Variants in FRMD4B observed in about 807,000 individuals in gnomAD.
The protein encoded by FRMD4B is FERM domain containing 4B, also known as FERM domain-containing protein 4B.
A neutral mutation model predicts 141.5 loss-of-function variants in FRMD4B; 74 were observed. The observed-to-expected ratio is 0.52, with a 90% CI of 0.43 to 0.63. The LOEUF (loss-of-function observed/expected upper bound fraction) is 0.63, where lower values mean the gene tolerates loss of function less well. Among genes scored for constraint, FRMD4B ranks in the 30% least tolerant of loss-of-function variants. The pLI is 0.00. For missense variants in FRMD4B, 1,366 were observed against 1,253.4 expected (o/e 1.09, Z -1.36); for synonymous variants, 506 against 467.9 (o/e 1.08, Z -1.05).
intron 21 of FRMD4B, among the ~76,000 whole-genome samples, chr3:69,179,825 C>T (rs754568063): frequency 9.9e-5 from 15 of 152,126 alleles, no homozygotes; most frequent in Non-Finnish European, 1.5e-4. Flanking sequence ...CTGAGCTCAT[C>T]GTGGCCAGGA....
chr3:69,531,206 T>TC (rs1158134003), intron 1 of FRMD4B, among the ~76,000 whole-genome samples: 2 of 152,174 alleles, frequency 1.3e-5, no homozygotes, highest in Non-Finnish European at 1.5e-5. Context: ...TGCTAATGAC[T>TC]CAGAGGAGCT....
At chr3:69,201,309 T>C (rs2092964979) in intron 11 of FRMD4B, among the ~76,000 whole-genome samples, 1 of 152,208 alleles carries the variant, frequency 6.6e-6, no homozygotes, top group Non-Finnish European at 1.5e-5. Flanking sequence ...AACTTGAATA[T>C]CATTAGTAAT....
At position 69,319,112 on chromosome 3, in the gene FRMD4B, C is replaced by T. The variant is rs1575726987; in HGVS notation, c.163-5595G>A. 1.3e-5 allele frequency among the ~76,000 whole-genome samples: 2 copies of T among 152,178 alleles called. 1 individual carries two copies. Among genetic ancestry groups the T allele is most frequent in the African/African-American group, 4.8e-5 (2 of 41,436 alleles). ...ATAGAATTTCAACCTCTACACAAAC[C>T]TATCAAGGGGGCATCCTCATTTTAA... On this transcript the variant is annotated intron_variant, in intron 1 of 22. Coordinates refer to ENST00000398540, the MANE Select transcript of FRMD4B (RefSeq NM_015123.3).
chr3:69,514,659 G>T (rs1266341068), intron 1 of FRMD4B, among the ~76,000 whole-genome samples: 1 of 151,570 alleles, frequency 6.6e-6, no homozygotes, highest in Non-Finnish European at 1.5e-5. Flanking sequence ...TTGCATTCCA[G>T]CTTGGGTGAC....
At chr3:69,529,175 C>T (rs1700977815) in intron 1 of FRMD4B, among the ~76,000 whole-genome samples, 1 of 152,210 alleles carries the variant, frequency 6.6e-6, no homozygotes, top group Non-Finnish European at 1.5e-5. Flanking sequence ...TAGCTCTGTG[C>T]TAGTCCGTTG....
chr3:69,517,437 G>GA (rs72367063), intron 1 of FRMD4B, among the ~76,000 whole-genome samples: 2 of 151,148 alleles, frequency 1.3e-5, no homozygotes, highest in African/African-American at 4.9e-5. Context: ...ATTGAACAGA[G>GA]AAAAAAAAAT....
chr3:69,536,530 C>CG (rs1000249431), intron 1 of FRMD4B: 10 of 696,318 alleles, frequency 1.4e-5, no homozygotes, highest in African/African-American at 1.2e-4. Context: ...TACCACCGTG[C>CG]GGGGGGTGGG....
chr3:69,247,678 T>C (rs2093434045), intron 7 of FRMD4B, among the ~76,000 whole-genome samples: 1 of 152,208 alleles, frequency 6.6e-6, no homozygotes, highest in East Asian at 1.9e-4. Flanking sequence ...AGACGGAGTC[T>C]CGCTCTTTTG....
chr3:69,385,713 G>C, intron 1 of FRMD4B, 115 bp downstream of exon 1: 1 of 894,872 alleles, frequency 1.1e-6, no homozygotes, highest in Non-Finnish European at 1.6e-6. Context: ...GGGCCAAGCA[G>C]TCTGCTAGGA....
chr3:69,282,273 A>G (rs1352024292), intron 5 of FRMD4B, among the ~76,000 whole-genome samples: 1 of 152,190 alleles, frequency 6.6e-6, no homozygotes, highest in Non-Finnish European at 1.5e-5. Context: ...TCTGGCAGAG[A>G]AGAAATGTGT....
chr3:69,224,957 A>G (rs1489224314), intron 7 of FRMD4B, among the ~76,000 whole-genome samples: 1 of 152,188 alleles, frequency 6.6e-6, no homozygotes, highest in Non-Finnish European at 1.5e-5. Flanking sequence ...TTGTATTTTT[A>G]CAGAATATTC....
At chr3:69,238,651 T>C (rs1328967564) in intron 7 of FRMD4B, among the ~76,000 whole-genome samples, 1 of 152,018 alleles carries the variant, frequency 6.6e-6, no homozygotes, top group East Asian at 1.9e-4. Context: ...AGACGTGGGG[T>C]ACACACCTGT....
chr3:69,505,091 C>T (rs551095726), intron 1 of FRMD4B, among the ~76,000 whole-genome samples: 1 of 3,994 alleles, frequency 2.5e-4, no homozygotes, highest in East Asian at 0.17. Flanking sequence ...AAATAGTGGC[C>T]AGCATAAGTG....
At chr3:69,184,754 T>A (rs1307942025) in intron 19 of FRMD4B, among the ~76,000 whole-genome samples, 2 of 152,234 alleles carry the variant, frequency 1.3e-5, no homozygotes, top group Non-Finnish European at 2.9e-5. Context: ...TAGGACTTTC[T>A]GCAATGACAA....
In FRMD4B at chr3:69,457,120, A is replaced by C. The variant is rs568204529; in HGVS notation, c.-128-24359T>G. Among the ~76,000 whole-genome samples, 7 of 152,360 alleles carry C rather than the reference A, an allele frequency of 4.6e-5. No homozygotes were observed. In the South Asian group the frequency reaches 1.2e-3, roughly 27 times the overall value. On this transcript the variant is annotated intron_variant, in intron 1 of 5. Transcript: ENST00000459638. ...AAAAAGTTAAAGTTATTTTTGCAAA[A>C]GAAAGACATGAATGAAGGAACAAAG...
chr3:69,537,092 G>A (rs1035471756), intron 1 of FRMD4B, among the ~76,000 whole-genome samples: 4 of 152,188 alleles, frequency 2.6e-5, no homozygotes, highest in African/African-American at 9.7e-5. Flanking sequence ...TAGATGCCTA[G>A]TCACGGCCCC....
chr3:69,536,635 A>G, intron 1 of FRMD4B: 1 of 1,011,606 alleles, frequency 9.9e-7, no homozygotes, highest in Admixed American at 1.9e-5. Flanking sequence ...GACCTGGATG[A>G]TCCTGCTGTG....
intron 7 of FRMD4B, among the ~76,000 whole-genome samples, chr3:69,245,353 G>T (rs866664027): frequency 0.025 from 3,193 of 126,030 alleles, 117 homozygotes; most frequent in African/African-American, 0.085. Flanking sequence ...GTGTGTGTGT[G>T]TTTTTAGACA....
At chr3:69,474,353 C>A (rs766869837) in intron 1 of FRMD4B, among the ~76,000 whole-genome samples, 7 of 152,134 alleles carry the variant, frequency 4.6e-5, no homozygotes, top group Non-Finnish European at 8.8e-5. Context: ...CATGAAGTTG[C>A]AAATGGTCAT....
Sources: allele counts gnomAD v4.1 joint callset (sites outside exome capture counted in the v4.1 genomes callset), GRCh38; gene constraint gnomAD v4.1.1; transcripts MANE v1.5; gene names NCBI Gene and HGNC (gene_info 2026-07-23, HGNC 2026-07-21).